Variants in STAC observed in about 807,000 individuals in gnomAD.
STAC encodes SH3 and cysteine rich domain, also known as SH3 and cysteine-rich domain-containing protein.
In STAC, 43 loss-of-function variants were observed where a neutral mutation model predicts 48.8. The observed-to-expected ratio is 0.88, with a 90% confidence interval of 0.69 to 1.14. The LOEUF is 1.14. Among genes scored for constraint, STAC ranks in the 50% most tolerant of loss-of-function variants. STAC has a pLI of 0.00. For synonymous variants in STAC, 193 were observed against 179.5 expected (o/e 1.07, Z -0.60); for missense variants, 497 against 504.0 (o/e 0.99, Z 0.13).
intron 1 of STAC, among the ~76,000 whole-genome samples, chr3:36,408,572 G>C (rs1382806651): frequency 1.3e-5 from 2 of 152,176 alleles, no homozygotes; most frequent in African/African-American, 2.4e-5. Context: ...TGGCCGATGA[G>C]ACCTGAAGGA....
At chr3:36,542,862 A>T (rs1381599699) in intron 10 of STAC, among the ~76,000 whole-genome samples, 1 of 152,198 alleles carries the variant, frequency 6.6e-6, no homozygotes, top group Non-Finnish European at 1.5e-5. Flanking sequence ...CTTGTATTGC[A>T]CTAGTTCCCC....
At chr3:36,432,864 A>T (rs1700738990) in intron 1 of STAC, among the ~76,000 whole-genome samples, 1 of 152,220 alleles carries the variant, frequency 6.6e-6, no homozygotes, top group South Asian at 2.1e-4. Flanking sequence ...AGGGACAATA[A>T]TAGTACTGCC....
At chr3:36,460,385 T>C (rs1348794409) in intron 2 of STAC, among the ~76,000 whole-genome samples, 1 of 152,184 alleles carries the variant, frequency 6.6e-6, no homozygotes, top group Non-Finnish European at 1.5e-5. Flanking sequence ...ATTTTTTTAA[T>C]AGGTCACTGG....
intron 7 of STAC, among the ~76,000 whole-genome samples, chr3:36,504,735 CAT>C (rs772285268): frequency 1.1e-4 from 16 of 151,824 alleles, no homozygotes; most frequent in East Asian, 3.9e-4. Flanking sequence ...TATTTTATAG[CAT>C]ATATGTCATA....
intron 2 of STAC, among the ~76,000 whole-genome samples, chr3:36,467,856 T>C (rs1456877561): frequency 6.6e-6 from 1 of 152,162 alleles, no homozygotes; most frequent in African/African-American, 2.4e-5. Context: ...AGTTCTGCTC[T>C]GATCTTTGTT....
chr3:36,437,526 A>C (rs1404272474), intron 1 of STAC, among the ~76,000 whole-genome samples: 1 of 150,752 alleles, frequency 6.6e-6, no homozygotes, highest in Non-Finnish European at 1.5e-5. Context: ...TACCGCAAGG[A>C]CAAAAAAACC....
chr3:36,385,008 C>T (rs550314800), intron 1 of STAC, among the ~76,000 whole-genome samples: 12 of 152,182 alleles, frequency 7.9e-5, no homozygotes, highest in East Asian at 3.9e-4. Context: ...TGAAAGAAAA[C>T]GAAACCTTGG....
intron 8 of STAC, among the ~76,000 whole-genome samples, chr3:36,521,389 T>C (rs1435622317): frequency 1.3e-5 from 2 of 152,142 alleles, no homozygotes; most frequent in African/African-American, 4.8e-5. Context: ...TGTATGAAAA[T>C]GCAACTGTTC....
chr3:36,510,778 A>C (rs868137260), intron 8 of STAC, among the ~76,000 whole-genome samples: 40 of 152,044 alleles, frequency 2.6e-4, no homozygotes, highest in African/African-American at 9.2e-4. Context: ...GGACACAGGG[A>C]GGGTAACATC....
chr3:36,461,828 G>C (rs1249234308), intron 2 of STAC, among the ~76,000 whole-genome samples: 1 of 152,152 alleles, frequency 6.6e-6, no homozygotes, highest in Non-Finnish European at 1.5e-5. Context: ...CTAAAACAGA[G>C]AGAATAAAGA....
chr3:36,382,577 T>A (rs1699535048), intron 1 of STAC, among the ~76,000 whole-genome samples: 1 of 152,226 alleles, frequency 6.6e-6, no homozygotes, highest in Non-Finnish European at 1.5e-5. Context: ...TTAGTGGAGA[T>A]GAACTATGGC....
intron 2 of STAC, among the ~76,000 whole-genome samples, chr3:36,467,971 G>T (rs758315916): frequency 6.6e-6 from 1 of 152,060 alleles, no homozygotes; most frequent in South Asian, 2.1e-4. Context: ...ACTTTTTGAT[G>T]TAGGTATTTA....
At chr3:36,495,208 T>C (rs9870043) in intron 6 of STAC, among the ~76,000 whole-genome samples, 2,129 of 152,326 alleles carry the variant, frequency 0.014, 49 homozygotes, top group African/African-American at 0.049. Context: ...AGGGTTCTTA[T>C]GATCTTTGGA....
chr3:36,445,174 A>G (rs187377781), intron 2 of STAC, among the ~76,000 whole-genome samples: 221 of 152,326 alleles, frequency 1.5e-3, no homozygotes, highest in Middle Eastern at 0.01. Context: ...GAGGAATGTC[A>G]TAGTCATTAC....
intron 8 of STAC, among the ~76,000 whole-genome samples, chr3:36,517,746 T>C: frequency 6.6e-6 from 1 of 152,176 alleles, no homozygotes; most frequent in Admixed American, 6.5e-5. Flanking sequence ...TATTATCATA[T>C]ACTGCTCTGT....
rs149102893 is a variant in STAC at position 36,540,752 on chromosome 3, G to A, written c.1111-5439G>A. ...CTATAGAAAAAGCAAAGAAAGGAAG[G>A]AATAGAGCCCTTTTGACTCCGTGAT... On this transcript the variant is annotated intron_variant, in intron 10 of 10. Transcript: ENST00000273183. Among the ~76,000 whole-genome samples the A allele has an allele frequency of 9.1e-3, 1,391 of 152,026 alleles. 10 individuals are homozygous for A. Among genetic ancestry groups the A allele is most frequent in the Middle Eastern group, 0.054 (16 of 294 alleles).
intron 10 of STAC, among the ~76,000 whole-genome samples, chr3:36,534,775 C>G (rs903452954): frequency 1.3e-5 from 2 of 151,972 alleles, no homozygotes; most frequent in African/African-American, 4.8e-5. Context: ...AGGTAATCCT[C>G]CCACCTCAGC....
intron 2 of STAC, among the ~76,000 whole-genome samples, chr3:36,473,966 A>C (rs1697418659): frequency 6.6e-6 from 1 of 152,214 alleles, no homozygotes. Context: ...ATACACTTAC[A>C]TTGGCTACTG....
chr3:36,511,143 G>A (rs997506565), intron 8 of STAC, among the ~76,000 whole-genome samples: 4 of 151,472 alleles, frequency 2.6e-5, no homozygotes, highest in Admixed American at 6.6e-5. Context: ...GAGGTTCCTC[G>A]TGTTTCAGGG....
Sources: gnomAD v4.1 joint callset for allele counts (sites outside exome capture counted in the v4.1 genomes callset) on GRCh38, gnomAD v4.1.1 for gene constraint, MANE v1.5 for transcripts, NCBI Gene and HGNC (gene_info 2026-07-23, HGNC 2026-07-21) for gene names.